PSD3: variants seen among roughly 807,000 people sequenced by gnomAD.
PSD3 encodes the protein PH and SEC7 domain-containing protein 3.
Under a neutral mutation model 105.5 loss-of-function variants are expected in PSD3, and 49 were observed. That is an observed-to-expected ratio of 0.46 (90% CI 0.37 to 0.59). The LOEUF is 0.59. PSD3 is among the 20% of genes least tolerant of loss of function. The pLI is 0.00. For synonymous variants in PSD3, 557 were observed against 457.8 expected, an observed-to-expected ratio of 1.22 and a Z score of -2.77; for missense variants, 1,561 against 1,263.8, an observed-to-expected ratio of 1.24 and a Z score of -3.57.
At chr8:18,622,669 C>A (rs967030684) in intron 11 of PSD3, among the ~76,000 whole-genome samples, 1 of 152,100 alleles carries the variant, frequency 6.6e-6, no homozygotes, top group African/African-American at 2.4e-5. Context: ...GAAATAATTA[C>A]CACAAGGAAG....
intron 1 of PSD3, among the ~76,000 whole-genome samples, chr8:18,984,821 G>T (rs1487229585): frequency 2.0e-5 from 3 of 152,140 alleles, no homozygotes; most frequent in Non-Finnish European, 1.5e-5. Context: ...AGTGCACAAG[G>T]CAAAGACCTT....
At chr8:18,899,691 G>C (rs1020035014) in intron 2 of PSD3, among the ~76,000 whole-genome samples, 1 of 152,224 alleles carries the variant, frequency 6.6e-6, no homozygotes, top group East Asian at 1.9e-4. Context: ...TTAAAAGGCA[G>C]TCCCTTACTG....
intron 1 of PSD3, among the ~76,000 whole-genome samples, chr8:19,035,066 G>T (rs938094208): frequency 1.3e-5 from 2 of 152,078 alleles, no homozygotes; most frequent in African/African-American, 4.8e-5. Flanking sequence ...GTTCATTTTT[G>T]ACTATCAGAT....
At chr8:19,063,213 C>G (rs1366942539) in intron 1 of PSD3, among the ~76,000 whole-genome samples, 1 of 152,150 alleles carries the variant, frequency 6.6e-6, no homozygotes, top group Non-Finnish European at 1.5e-5. Context: ...TTTTATTAAC[C>G]TGGGTATTTT....
intron 1 of PSD3, among the ~76,000 whole-genome samples, chr8:18,987,337 G>C (rs945327334): frequency 6.6e-6 from 1 of 151,028 alleles, no homozygotes; most frequent in East Asian, 1.9e-4. Context: ...GCCCAGGCTA[G>C]AGTGCAGTGG....
chr8:18,928,448 A>G (rs559121033), intron 2 of PSD3, among the ~76,000 whole-genome samples: 8 of 152,334 alleles, frequency 5.3e-5, no homozygotes, highest in African/African-American at 1.9e-4. Context: ...GTGAGAACAG[A>G]CTAATGTATT....
At chr8:19,024,816 G>A (rs530590498) in intron 1 of PSD3, among the ~76,000 whole-genome samples, 1 of 152,226 alleles carries the variant, frequency 6.6e-6, no homozygotes, top group East Asian at 1.9e-4. Flanking sequence ...TGCCCAGAGA[G>A]GGCATGAAAA....
At chr8:18,591,035 C>T (rs73211751) in intron 12 of PSD3, among the ~76,000 whole-genome samples, 5,623 of 152,236 alleles carry the variant, frequency 0.037, 170 homozygotes, top group East Asian at 0.11. Context: ...GCTCCCATCT[C>T]CCCAATAAAA....
intron 9 of PSD3, among the ~76,000 whole-genome samples, chr8:18,703,278 C>A (rs1801696640): frequency 6.6e-6 from 1 of 152,164 alleles, no homozygotes; most frequent in East Asian, 1.9e-4. Context: ...TGAAGCCGCT[C>A]AGGGACCAAG....
intron 9 of PSD3, among the ~76,000 whole-genome samples, chr8:18,722,430 T>C (rs943232469): frequency 6.6e-6 from 1 of 152,190 alleles, no homozygotes; most frequent in African/African-American, 2.4e-5. Context: ...CTAATCACAG[T>C]TGATAATCTG....
rs28631184 is a variant in PSD3 at position 18,645,475 on chromosome 8, T to A, written c.2216+10167A>T. Among the ~76,000 whole-genome samples the A allele has an allele frequency of 7.6e-3, 1,151 of 152,340 alleles. 18 individuals are homozygous for A. The highest frequency in any genetic ancestry group is 0.026 in the African/African-American group (1,101 of 41,584). On this transcript the variant is annotated intron_variant, in intron 10 of 15. Transcript: ENST00000327040. ...GGCATTTCTGTTTCTTTTCTTACAG[T>A]CAGGGTGTCTTTGCTGAATATAAAT...
At chr8:18,966,893 G>C (rs1824291080) in intron 1 of PSD3, among the ~76,000 whole-genome samples, 1 of 152,184 alleles carries the variant, frequency 6.6e-6, no homozygotes, top group Non-Finnish European at 1.5e-5. Context: ...GCTGCTTTAG[G>C]AGATACTCAC....
At chr8:18,764,341 C>T (rs886596001) in intron 9 of PSD3, among the ~76,000 whole-genome samples, 10 of 152,118 alleles carry the variant, frequency 6.6e-5, no homozygotes, top group Non-Finnish European at 1.3e-4. Flanking sequence ...ATTTATCTCC[C>T]GCTCCCATTT....
chr8:18,722,245 AAG>A (rs1374560219), intron 9 of PSD3, among the ~76,000 whole-genome samples: 1 of 152,088 alleles, frequency 6.6e-6, no homozygotes, highest in African/African-American at 2.4e-5. Flanking sequence ...ACAGAGTCTT[AAG>A]AGATTCCCTA....
At position 18,632,445 on chromosome 8, in the gene PSD3, G is replaced by C. The variant is rs1291101396; in HGVS notation, c.2410+168C>G. Among the ~76,000 whole-genome samples the C allele has an allele frequency of 5.3e-5, 8 of 152,138 alleles. 2 individuals carry two copies. In the South Asian group the frequency reaches 1.7e-3, roughly 32 times the overall value. On this transcript the variant is annotated intron_variant, in intron 11 of 15. Coordinates refer to ENST00000327040, the MANE Select transcript of PSD3 (RefSeq NM_015310.4). ...TATAATTCTGCTTAGAGAAGAGCAG[G>C]TGCCACATTGGATTTTTAATTTAGG... is the stretch of plus-strand genomic sequence containing the variant.
intron 1 of PSD3, among the ~76,000 whole-genome samples, chr8:18,957,449 A>T (rs1823647151): frequency 6.6e-6 from 1 of 152,130 alleles, no homozygotes; most frequent in African/African-American, 2.4e-5. Flanking sequence ...CAACTCAGGC[A>T]AACAGTGAAA....
chr8:19,077,131 G>C (rs1414632272), intron 1 of PSD3, among the ~76,000 whole-genome samples: 1 of 152,134 alleles, frequency 6.6e-6, no homozygotes, highest in East Asian at 1.9e-4. Context: ...ACTTCTCTGA[G>C]ATATCTCTGA....
intron 10 of PSD3, among the ~76,000 whole-genome samples, chr8:18,636,577 CT>C (rs1807270847): frequency 6.6e-6 from 1 of 152,192 alleles, no homozygotes; most frequent in Non-Finnish European, 1.5e-5. Flanking sequence ...TCAACACTCA[CT>C]CAGTCACTGA....
chr8:18,642,813 T>TA (rs896556297), intron 10 of PSD3, among the ~76,000 whole-genome samples: 2 of 152,236 alleles, frequency 1.3e-5, no homozygotes, highest in African/African-American at 4.8e-5. Flanking sequence ...GAAATGCCAC[T>TA]TAGACATGAA....
Sources: gnomAD v4.1 joint callset for allele counts (sites outside exome capture counted in the v4.1 genomes callset) on GRCh38, gnomAD v4.1.1 for gene constraint, MANE v1.5 for transcripts, NCBI Gene and HGNC (gene_info 2026-07-23, HGNC 2026-07-21) for gene names.